MAJIN: variants seen among roughly 807,000 people sequenced by gnomAD.
MAJIN encodes the protein membrane-anchored junction protein.
Under a neutral mutation model 30.2 loss-of-function variants are expected in MAJIN, and 27 were observed. That is an observed-to-expected ratio of 0.89 (90% confidence interval 0.66 to 1.23). The LOEUF is 1.23. MAJIN is among the 50% of genes most tolerant of loss of function. The probability of loss-of-function intolerance (pLI) is 0.00; values close to 1 mark genes in which losing one functional copy is unlikely to be tolerated. For synonymous variants in MAJIN, 78 were observed against 91.6 expected, an observed-to-expected ratio of 0.85 and a Z score of 0.85; for missense variants, 253 against 260.3, an observed-to-expected ratio of 0.97 and a Z score of 0.19.
At chr11:64,952,529 C>G (rs1408350977) in intron 4 of MAJIN, among the ~76,000 whole-genome samples, 3 of 151,950 alleles carry the variant, frequency 2.0e-5, no homozygotes, top group African/African-American at 7.3e-5. Flanking sequence ...TCACAAAAAC[C>G]CTGTGAGGCA....
chr11:64,962,885 A>C (rs1049353465), intron 1 of MAJIN, among the ~76,000 whole-genome samples: 4 of 152,020 alleles, frequency 2.6e-5, no homozygotes, highest in African/African-American at 9.7e-5. Context: ...TCAGCACTTT[A>C]GGAGGCTCAG....
chr11:64,950,893 T>C (rs573506925), intron 4 of MAJIN, among the ~76,000 whole-genome samples: 1 of 152,292 alleles, frequency 6.6e-6, no homozygotes, highest in South Asian at 2.1e-4. Flanking sequence ...GCTTCTCCAT[T>C]TCTATGCTTT....
intron 8 of MAJIN, among the ~76,000 whole-genome samples, chr11:64,946,884 C>G (rs1945460449): frequency 6.6e-6 from 1 of 152,146 alleles, no homozygotes; most frequent in African/African-American, 2.4e-5. Flanking sequence ...TATCACAGCA[C>G]CCCACCCAAT....
intron 1 of MAJIN, among the ~76,000 whole-genome samples, chr11:64,966,949 A>AAAG (rs1459879985): frequency 1.3e-5 from 2 of 150,442 alleles, no homozygotes; most frequent in Non-Finnish European, 3.0e-5. Flanking sequence ...AAAAAAAAAG[A>AAAG]AAGAAAAAGA....
chr11:64,950,968 G>A (rs753429883), intron 4 of MAJIN, among the ~76,000 whole-genome samples: 13 of 152,038 alleles, frequency 8.6e-5, no homozygotes, highest in Admixed American at 1.3e-4. Context: ...GTCCAAATCC[G>A]ACCTATCCTT....
At chr11:64,953,606 C>G (rs1945587927) in intron 4 of MAJIN, among the ~76,000 whole-genome samples, 1 of 152,188 alleles carries the variant, frequency 6.6e-6, no homozygotes, top group African/African-American at 2.4e-5. Flanking sequence ...TCCTGGCCAA[C>G]ATGATGAAAC....
At chr11:64,954,841 G>A (rs1945607504) in intron 3 of MAJIN, 39 bp from the exon 4 acceptor site, 1 of 1,560,952 alleles carries the variant, frequency 6.4e-7, no homozygotes, top group East Asian at 2.2e-5. Flanking sequence ...AAGACATGAA[G>A]GAAAGCTCTG....
At chr11:64,950,012 A>G in intron 5 of MAJIN, 144 bp from the exon 6 acceptor site, 1 of 1,169,390 alleles carries the variant, frequency 8.6e-7, no homozygotes, top group Non-Finnish European at 1.2e-6. Context: ...CTAAAATGTG[A>G]GCTGTAGCTC....
Position 64,952,257 on chromosome 11 carries a change from C to T in MAJIN, c.148-1827G>A, listed in dbSNP as rs138378849. ...GTCTGGAGTGCAATGGCTTGGTCTC[C>T]GCTCACTGCAACCTCTGCCTCCAGG... On this transcript the variant is annotated intron_variant, in intron 4 of 10. Coordinates refer to ENST00000301896, the MANE Select transcript of MAJIN (RefSeq NM_001037225.3). Among the ~76,000 whole-genome samples, 95 of 151,716 alleles carry T rather than the reference C, an allele frequency of 6.3e-4. 1 individual carries two copies. Among genetic ancestry groups the T allele is most frequent in the African/African-American group, 2.1e-3 (87 of 41,376 alleles).
chr11:64,939,570 C>T (rs1396579332), intron 10 of MAJIN, 92 bp downstream of exon 10: 1 of 1,149,788 alleles, frequency 8.7e-7, no homozygotes, highest in Non-Finnish European at 1.3e-6. Context: ...TGTAAGTAAT[C>T]TGCTTTCTTT....
At chr11:64,944,974 C>T (rs1945428790) in intron 8 of MAJIN, among the ~76,000 whole-genome samples, 1 of 152,164 alleles carries the variant, frequency 6.6e-6, no homozygotes, top group Non-Finnish European at 1.5e-5. Flanking sequence ...TAAATGAAAT[C>T]TAATTCCATC....
intron 4 of MAJIN, among the ~76,000 whole-genome samples, chr11:64,953,792 AAAAC>A (rs896745384): frequency 4.5e-4 from 69 of 152,264 alleles, no homozygotes; most frequent in Admixed American, 2.6e-3. Context: ...TCCATCTCAA[AAAAC>A]AAACAAACAA....
intron 1 of MAJIN, among the ~76,000 whole-genome samples, chr11:64,969,125 T>C (rs1434680819): frequency 6.6e-6 from 1 of 152,170 alleles, no homozygotes; most frequent in Non-Finnish European, 1.5e-5. Context: ...TGGTACATAC[T>C]CTACTGAGAT....
intron 1 of MAJIN, among the ~76,000 whole-genome samples, chr11:64,960,932 T>G (rs759431491): frequency 6.6e-6 from 1 of 152,120 alleles, no homozygotes; most frequent in Non-Finnish European, 1.5e-5. Context: ...AGAATTGCAG[T>G]CAAAAATGAA....
rs1370503264 is a variant in MAJIN, at chr11:64,949,799, G to C, written c.293C>G (p.Pro98Arg). Residue 98 changes from proline (P) to arginine (R), a missense_variant, in exon 6 of 11, where the codon CCA (proline) becomes CGA (arginine). Pro to Arg is a moderately radical substitution (Grantham distance 103). Transcript: ENST00000301896. ...CTCCACATATAGAGTAAAAACAAAT[G>C]GGTAGGGGATCAAGATAATTTCCCC... ...KHGEIILIPYPFVFTLYVEMK... is the reference protein window; with the variant it reads ...KHGEIILIPYRFVFTLYVEMK... The C allele has an allele frequency of 1.2e-6, 2 of 1,611,838 alleles. No homozygotes were observed. Among genetic ancestry groups the C allele is most frequent in the South Asian group, 2.2e-5 (2 of 91,080 alleles).
intron 3 of MAJIN, among the ~76,000 whole-genome samples, chr11:64,956,319 TA>T (rs767788648): frequency 5.0e-5 from 7 of 140,226 alleles, no homozygotes; most frequent in African/African-American, 7.5e-5. Context: ...AATAAATAAA[TA>T]AAAATAAAAA....
At chr11:64,969,383 C>A (rs1945861551) in intron 1 of MAJIN, among the ~76,000 whole-genome samples, 1 of 151,630 alleles carries the variant, frequency 6.6e-6, no homozygotes, top group Admixed American at 6.6e-5. Flanking sequence ...GGGATGAGGG[C>A]CTTCCTTATA....
intron 8 of MAJIN, chr11:64,946,195 G>C (rs1430052294): frequency 1.3e-6 from 2 of 1,509,912 alleles, no homozygotes; most frequent in South Asian, 2.4e-5. Flanking sequence ...TACTGGCAGA[G>C]GCAATATCAC....
At chr11:64,950,903 T>C (rs1464711321) in intron 4 of MAJIN, among the ~76,000 whole-genome samples, 1 of 152,126 alleles carries the variant, frequency 6.6e-6, no homozygotes, top group Non-Finnish European at 1.5e-5. Context: ...TTCTATGCTT[T>C]TGCATAGAAA....
Sources: gnomAD v4.1 joint callset for allele counts (sites outside exome capture counted in the v4.1 genomes callset) on GRCh38, gnomAD v4.1.1 for gene constraint, MANE v1.5 for transcripts, NCBI Gene and HGNC (gene_info 2026-07-23, HGNC 2026-07-21) for gene names.